IGF1R: variants seen among roughly 807,000 people sequenced by gnomAD.
IGF1R encodes insulin-like growth factor 1 receptor.
In IGF1R, 44 loss-of-function variants were observed where a neutral mutation model predicts 144.6. The observed-to-expected ratio is 0.30, with a 90% CI of 0.24 to 0.39. IGF1R has a LOEUF of 0.39. Ranked by LOEUF, IGF1R falls within the 10% of genes least tolerant of loss-of-function variation. The pLI, the probability that IGF1R is intolerant of heterozygous loss-of-function variation, is 1.00. For synonymous variants in IGF1R, 795 were observed against 722.8 expected (o/e 1.10, Z -1.60); for missense variants, 1,355 against 1,833.7 (o/e 0.74, Z 4.77).
In IGF1R at chr15:98,768,838, G is replaced by A. The variant is rs537054598; in HGVS notation, c.640+60731G>A. On this transcript the variant is annotated intron_variant, in intron 2 of 20. Coordinates refer to ENST00000650285, the MANE Select transcript of IGF1R (RefSeq NM_000875.5). Reference sequence around the variant, plus strand: ...AGCTACTCGGGAGGCTGAGGCAGGAGAATGGCGTGAGCCCAGGAGGCGGAG... The same window carrying A: ...AGCTACTCGGGAGGCTGAGGCAGGAAAATGGCGTGAGCCCAGGAGGCGGAG... Among the ~76,000 whole-genome samples the A allele has an allele frequency of 2.6e-5, 4 of 151,248 alleles. No individual in the cohort carries two copies. The South Asian group carries it at 8.4e-4, about 32-fold the overall frequency.
At chr15:98,956,929 G>C in intron 20 of IGF1R, 132 bp from the exon 21 acceptor site, 2 of 1,001,412 alleles carry the variant, frequency 2.0e-6, no homozygotes, top group Non-Finnish European at 3.1e-6. Context: ...GGGATGGAGA[G>C]GGGCAGCAGG....
At chr15:98,821,311 C>T (rs2056798289) in intron 2 of IGF1R, among the ~76,000 whole-genome samples, 1 of 149,582 alleles carries the variant, frequency 6.7e-6, no homozygotes, top group African/African-American at 2.5e-5. Context: ...ACTGATTTTA[C>T]CATCACTCTC....
At chr15:98,942,513 A>C (rs1324118945) in intron 18 of IGF1R, among the ~76,000 whole-genome samples, 1 of 151,998 alleles carries the variant, frequency 6.6e-6, no homozygotes, top group Non-Finnish European at 1.5e-5. Flanking sequence ...AATTTTTAAA[A>C]TTTTTTATAC....
At chr15:98,772,011 A>C (rs1399351408) in intron 2 of IGF1R, among the ~76,000 whole-genome samples, 4 of 152,098 alleles carry the variant, frequency 2.6e-5, no homozygotes, top group Non-Finnish European at 5.9e-5. Context: ...GTAGGTAAGG[A>C]AAGCCCAGCT....
At chr15:98,857,057 G>A (rs2011860472) in intron 2 of IGF1R, among the ~76,000 whole-genome samples, 1 of 151,810 alleles carries the variant, frequency 6.6e-6, no homozygotes. Flanking sequence ...ACAATCGAAT[G>A]TACAACTGAG....
chr15:98,883,528 G>A (rs988462544), intron 2 of IGF1R, among the ~76,000 whole-genome samples: 1 of 152,214 alleles, frequency 6.6e-6, no homozygotes, highest in Admixed American at 6.5e-5. Flanking sequence ...AGCCTGAGAA[G>A]CCTGTGCTCA....
chr15:98,937,300 T>C (rs1301195327), intron 17 of IGF1R, among the ~76,000 whole-genome samples: 1 of 152,118 alleles, frequency 6.6e-6, no homozygotes, highest in Non-Finnish European at 1.5e-5. Flanking sequence ...CTCTGAAAAG[T>C]CCAAAACTCA....
chr15:98,868,372 G>GA (rs1342988653), intron 2 of IGF1R, among the ~76,000 whole-genome samples: 1 of 87,188 alleles, frequency 1.1e-5, no homozygotes, highest in South Asian at 4.3e-4. Flanking sequence ...TTTTTTTTTG[G>GA]GGGGGGGGTC....
chr15:98,791,514 A>AT (rs1258433967), intron 2 of IGF1R, among the ~76,000 whole-genome samples: 1 of 152,176 alleles, frequency 6.6e-6, no homozygotes, highest in Non-Finnish European at 1.5e-5. Flanking sequence ...TCAGAGGAAG[A>AT]TTTTCCAACC....
intron 2 of IGF1R, among the ~76,000 whole-genome samples, chr15:98,732,748 ATGTT>A (rs1366688094): frequency 6.6e-6 from 1 of 152,162 alleles, no homozygotes; most frequent in Non-Finnish European, 1.5e-5. Flanking sequence ...ACAGGGGAGA[ATGTT>A]TGTGCTGTTG....
chr15:98,649,776 G>T (rs536463864), intron 1 of IGF1R, 101 bp downstream of exon 1: 2 of 893,522 alleles, frequency 2.2e-6, no homozygotes, highest in South Asian at 2.8e-5. Context: ...CAGCTGTCGG[G>T]CCCCCGGGCT....
intron 2 of IGF1R, among the ~76,000 whole-genome samples, chr15:98,724,441 C>T (rs2054314062): frequency 1.3e-5 from 2 of 152,162 alleles, no homozygotes; most frequent in Admixed American, 1.3e-4. Context: ...GAGAGAGCAG[C>T]CAGTTCTCCA....
Position 98,908,715 on chromosome 15 carries a change from G to T in IGF1R, c.1278G>T (p.Gln426His). ...ACTCCTTCTACGTCCTCGACAACCA[G>T]AACTTGCAGCAACTGTGGGACTGGG... Reference protein sequence around the residue: ...GNYSFYVLDNQNLQQLWDWDH... With the variant: ...GNYSFYVLDNHNLQQLWDWDH... Residue 426 changes from glutamine to histidine, a missense_variant, in exon 6 of 21, where the codon CAG (glutamine) becomes CAT (histidine). By Grantham distance (24) the Gln-to-His change is conservative. Around this residue, in one of 7 missense-constraint regions of IGF1R, gnomAD observed 880 missense variants for 1,202.7 expected, o/e 0.73. Coordinates refer to ENST00000650285, the MANE Select transcript of IGF1R (RefSeq NM_000875.5). 1 of 1,614,114 alleles carries T rather than the reference G, an allele frequency of 6.2e-7. No homozygotes were observed. Among genetic ancestry groups the T allele is most frequent in the Non-Finnish European group, 8.5e-7 (1 of 1,180,000 alleles).
chr15:98,708,924 C>T (rs183556436), intron 2 of IGF1R, among the ~76,000 whole-genome samples: 1 of 152,294 alleles, frequency 6.6e-6, no homozygotes, highest in Non-Finnish European at 1.5e-5. Context: ...TATTTATCTG[C>T]AATATGCTTA....
chr15:98,690,976 T>C (rs1399407299), intron 1 of IGF1R, among the ~76,000 whole-genome samples: 1 of 152,216 alleles, frequency 6.6e-6, no homozygotes, highest in Non-Finnish European at 1.5e-5. Context: ...CTTTTTCTTT[T>C]AGAATAGTTT....
intron 1 of IGF1R, among the ~76,000 whole-genome samples, chr15:98,672,630 A>T (rs1234285993): frequency 1.3e-5 from 2 of 151,582 alleles, no homozygotes; most frequent in African/African-American, 4.8e-5. Flanking sequence ...AAATGCTTCC[A>T]TGCTAAACGT....
At chr15:98,946,000 GGATGATGAT>G (rs573692963) in intron 19 of IGF1R, among the ~76,000 whole-genome samples, 3 of 151,838 alleles carry the variant, frequency 2.0e-5, no homozygotes, top group Admixed American at 6.6e-5. Flanking sequence ...GAAGATGCGG[GGATGATGAT>G]GATGACGATG....
At chr15:98,778,770 C>T (rs1312685732) in intron 2 of IGF1R, among the ~76,000 whole-genome samples, 1 of 152,174 alleles carries the variant, frequency 6.6e-6, no homozygotes, top group East Asian at 1.9e-4. Context: ...GTGCTAGTGG[C>T]CTTGAAGTGA....
intron 5 of IGF1R, among the ~76,000 whole-genome samples, chr15:98,902,415 CTTTTTTTT>C (rs11434197): frequency 8.3e-6 from 1 of 119,828 alleles, no homozygotes; most frequent in African/African-American, 3.1e-5. Context: ...TTTTCTTGAA[CTTTTTTTT>C]TTTTTTTTTT....
Sources: gnomAD v4.1 joint callset for allele counts (sites outside exome capture counted in the v4.1 genomes callset) on GRCh38, gnomAD v4.1.1 for gene constraint, gnomAD v4.1.1 regional missense constraint, MANE v1.5 for transcripts, NCBI Gene and HGNC (gene_info 2026-07-23, HGNC 2026-07-21) for gene names.